PDE10A: variants seen among roughly 807,000 people sequenced by gnomAD.
The protein encoded by PDE10A is phosphodiesterase 10A, also known as cAMP and cAMP-inhibited cGMP 3',5'-cyclic phosphodiesterase 10A.
A neutral mutation model predicts 97.7 loss-of-function variants in PDE10A; 39 were observed. That is an observed-to-expected ratio of 0.40 (90% CI 0.31 to 0.52). The LOEUF (loss-of-function observed/expected upper bound fraction) is 0.52. PDE10A is among the 20% of genes least tolerant of loss of function. The pLI, the probability that PDE10A is intolerant of heterozygous loss-of-function variation, is 0.56. For missense variants in PDE10A, 731 were observed against 1,047.8 expected (o/e 0.70, Z 4.17); for synonymous variants, 371 against 376.8 (o/e 0.98, Z 0.18).
intron 1 of PDE10A, among the ~76,000 whole-genome samples, chr6:165,749,392 C>T (rs1412614607): frequency 3.6e-5 from 1 of 28,142 alleles, no homozygotes; most frequent in Non-Finnish European, 8.4e-5. Context: ...ACCATCATCA[C>T]CATTACCATC....
At chr6:165,832,040 G>A (rs1020439377) in intron 1 of PDE10A, among the ~76,000 whole-genome samples, 5 of 152,088 alleles carry the variant, frequency 3.3e-5, no homozygotes, top group African/African-American at 1.2e-4. Context: ...GACATCAAAG[G>A]ACTGTTACAA....
At chr6:165,369,134 CAG>C (rs1469365388) in intron 18 of PDE10A, among the ~76,000 whole-genome samples, 1 of 152,006 alleles carries the variant, frequency 6.6e-6, no homozygotes, top group African/African-American at 2.4e-5. Context: ...GGGGAAAAAA[CAG>C]AGCAGAAAAA....
intron 1 of PDE10A, among the ~76,000 whole-genome samples, chr6:165,920,543 T>TACACACAC (rs55746374): frequency 0.046 from 6,804 of 149,332 alleles, 209 homozygotes; most frequent in Middle Eastern, 0.075. Flanking sequence ...AGACTGGGCT[T>TACACACAC]ACACACACAC....
intron 1 of PDE10A, among the ~76,000 whole-genome samples, chr6:165,820,748 G>A (rs774958171): frequency 5.3e-5 from 8 of 152,134 alleles, no homozygotes; most frequent in Non-Finnish European, 1.0e-4. Context: ...GAGAACAAAC[G>A]AAAGAAAGCC....
Position 165,796,600 on chromosome 6 carries a change from A to C in PDE10A, c.-615+190929T>G, listed in dbSNP as rs76198330. ...ATTACCACTACAGAGGTCAATAATAAATAAAATTTTTTCCTTTCACATCCA... is the reference window on the plus strand; with the variant it reads ...ATTACCACTACAGAGGTCAATAATACATAAAATTTTTTCCTTTCACATCCA... On this transcript the variant is annotated intron_variant, in intron 1 of 19. Coordinates refer to the PDE10A transcript ENST00000366882. Among the ~76,000 whole-genome samples the C allele has an allele frequency of 1.6e-4, 25 of 152,308 alleles. No homozygotes were observed. The East Asian group carries it at 4.6e-3, about 28-fold the overall frequency.
intron 1 of PDE10A, among the ~76,000 whole-genome samples, chr6:165,860,206 C>A (rs1166339419): frequency 1.3e-5 from 2 of 152,160 alleles, no homozygotes; most frequent in Non-Finnish European, 2.9e-5. Context: ...GTAATCCCAG[C>A]ACTTTGGGAA....
intron 1 of PDE10A, among the ~76,000 whole-genome samples, chr6:165,627,050 C>T (rs1788421539): frequency 6.6e-6 from 1 of 152,224 alleles, no homozygotes; most frequent in Admixed American, 6.5e-5. Flanking sequence ...TCTGTCCTTT[C>T]TGACAGGCAG....
intron 18 of PDE10A, among the ~76,000 whole-genome samples, chr6:165,372,926 A>C (rs9459398): frequency 6.7e-6 from 1 of 149,024 alleles, no homozygotes; most frequent in African/African-American, 2.5e-5. Flanking sequence ...ATAACGCTGC[A>C]TATCTACAAC....
intron 2 of PDE10A, among the ~76,000 whole-genome samples, chr6:165,485,481 A>G (rs1229401993): frequency 2.0e-5 from 3 of 151,790 alleles, no homozygotes; most frequent in Non-Finnish European, 4.4e-5. Context: ...AAAAAAAAAA[A>G]AAAAAGACAA....
At chr6:165,528,314 A>G (rs909009237) in intron 2 of PDE10A, among the ~76,000 whole-genome samples, 13 of 152,100 alleles carry the variant, frequency 8.5e-5, no homozygotes, top group Non-Finnish European at 4.4e-5. Context: ...TGTGGACACC[A>G]CTCAGCCTCT....
At chr6:165,820,894 T>C (rs2128469121) in intron 1 of PDE10A, among the ~76,000 whole-genome samples, 1 of 152,350 alleles carries the variant, frequency 6.6e-6, no homozygotes, top group South Asian at 2.1e-4. Flanking sequence ...GAACACATAT[T>C]TGAAGAGATA....
intron 17 of PDE10A, among the ~76,000 whole-genome samples, chr6:165,387,581 A>C (rs1026504471): frequency 6.6e-6 from 1 of 152,216 alleles, no homozygotes; most frequent in Non-Finnish European, 1.5e-5. Context: ...ACATCCTAAA[A>C]ACTCAAAACC....
chr6:165,937,852 C>A (rs1054894815), intron 1 of PDE10A, among the ~76,000 whole-genome samples: 1 of 152,142 alleles, frequency 6.6e-6, no homozygotes, highest in African/African-American at 2.4e-5. Context: ...CTAATAAATG[C>A]TAACCAAACT....
chr6:165,723,227 C>A (rs1038296453), intron 1 of PDE10A, among the ~76,000 whole-genome samples: 5 of 152,200 alleles, frequency 3.3e-5, no homozygotes, highest in Admixed American at 6.5e-5. Context: ...CCCAGACAGG[C>A]AAAGCCATGG....
chr6:165,776,275 G>C (rs1405166144), intron 1 of PDE10A, among the ~76,000 whole-genome samples: 2 of 151,924 alleles, frequency 1.3e-5, no homozygotes, highest in Non-Finnish European at 2.9e-5. Context: ...AGTAAAAAAG[G>C]GTTACAAGTG....
chr6:165,647,296 G>A (rs1445726410), intron 1 of PDE10A, among the ~76,000 whole-genome samples: 1 of 152,168 alleles, frequency 6.6e-6, no homozygotes, highest in African/African-American at 2.4e-5. Context: ...AGGCCACTCT[G>A]CCCCCGGAGC....
At chr6:165,714,261 C>T (rs996039420) in intron 1 of PDE10A, among the ~76,000 whole-genome samples, 1 of 152,204 alleles carries the variant, frequency 6.6e-6, no homozygotes, top group Admixed American at 6.5e-5. Context: ...ACCCTTGACC[C>T]GATGGGAGCC....
At chr6:165,536,532 T>C (rs1783096168) in intron 2 of PDE10A, among the ~76,000 whole-genome samples, 1 of 151,246 alleles carries the variant, frequency 6.6e-6, no homozygotes, top group South Asian at 2.1e-4. Context: ...GGAGAAAATA[T>C]CTGCTAACTA....
intron 1 of PDE10A, among the ~76,000 whole-genome samples, chr6:165,592,247 C>T (rs1583604730): frequency 6.6e-6 from 1 of 152,038 alleles, no homozygotes; most frequent in Admixed American, 6.6e-5. Flanking sequence ...GGAAAACTGG[C>T]TAGCCATATG....
Sources: allele counts gnomAD v4.1 joint callset (sites outside exome capture counted in the v4.1 genomes callset), GRCh38; gene constraint gnomAD v4.1.1; transcripts MANE v1.5; gene names NCBI Gene and HGNC (gene_info 2026-07-23, HGNC 2026-07-21).